NAA20: variants seen among roughly 807,000 people sequenced by gnomAD.
The protein encoded by NAA20 is N-alpha-acetyltransferase 20, NatB catalytic subunit.
NAA20 carries 24 observed loss-of-function variants against 23.8 expected under a neutral mutation model. The observed-to-expected ratio is 1.01, with a 90% CI of 0.73 to 1.42. The LOEUF is 1.42. NAA20 is among the 40% of genes most tolerant of loss of function. The pLI, the probability that NAA20 is intolerant of heterozygous loss-of-function variation, is 0.00. For missense variants in NAA20, 166 were observed against 223.1 expected, an observed-to-expected ratio of 0.74 and a Z score of 1.63; for synonymous variants, 83 against 77.7, an observed-to-expected ratio of 1.07 and a Z score of -0.36.
intron 4 of NAA20, among the ~76,000 whole-genome samples, chr20:20,032,240 G>A (rs1184641789): frequency 6.6e-6 from 1 of 151,806 alleles, no homozygotes; most frequent in Non-Finnish European, 1.5e-5. Flanking sequence ...TAGAACAAAT[G>A]CCTTGAGTTT....
At chr20:20,032,723 TTTGA>T (rs1229444039) in intron 5 of NAA20, 70 bp downstream of exon 5, 2 of 1,464,572 alleles carry the variant, frequency 1.4e-6, no homozygotes, top group Non-Finnish European at 9.1e-7. Context: ...GATTGTAGTA[TTTGA>T]TTATTTTAAT....
Position 20,033,269 on chromosome 20 carries a change from TAGG to T in NAA20, c.*85_*87del. The T allele has an allele frequency of 2.6e-6, 3 of 1,146,960 alleles. No individual in the cohort carries two copies. The highest frequency in any genetic ancestry group is 2.9e-5 in the South Asian group (2 of 68,954). The allele number at this position is 1,146,960 out of a possible 1,614,324, so 71.0% of individuals were successfully genotyped here. On this transcript the variant is annotated 3_prime_UTR_variant, in exon 6 of 6. Coordinates refer to ENST00000334982, the MANE Select transcript of NAA20 (RefSeq NM_016100.5). ...TCATTGGATGATTCTGGAGCTCTAT[TAGG>T]AGAAAAGTAATCATTTTAGGTCTTA...
chr20:20,020,217 C>T (rs1304752466), intron 1 of NAA20, among the ~76,000 whole-genome samples: 1 of 152,188 alleles, frequency 6.6e-6, no homozygotes, highest in African/African-American at 2.4e-5. Flanking sequence ...TCCTGGCCCA[C>T]ACCTTGGGAA....
At chr20:20,032,746 A>C (rs2043355448) in intron 5 of NAA20, 93 bp downstream of exon 5, 3 of 1,399,316 alleles carry the variant, frequency 2.1e-6, no homozygotes, top group Non-Finnish European at 2.8e-6. Context: ...ATAAATGTAG[A>C]ATATTTGACT....
chr20:20,019,464 C>G (rs917553796), intron 1 of NAA20, among the ~76,000 whole-genome samples: 1 of 152,146 alleles, frequency 6.6e-6, no homozygotes, highest in Non-Finnish European at 1.5e-5. Context: ...GAAAGGACAA[C>G]AGTTTTACAT....
chr20:20,024,410 A>C (rs1250389320), intron 2 of NAA20, among the ~76,000 whole-genome samples: 1 of 152,232 alleles, frequency 6.6e-6, no homozygotes, highest in Non-Finnish European at 1.5e-5. Context: ...CAGCAACAGG[A>C]CTACATATCA....
chr20:20,017,356 C>T (rs1568743561), upstream of NAA20: 15 of 1,608,818 alleles, frequency 9.3e-6, no homozygotes, highest in South Asian at 3.3e-5. Context: ...AGGGCGGGCG[C>T]GGGGTCTTGG....
At chr20:20,025,619 C>A (rs1363292796) in intron 2 of NAA20, 58 bp from the exon 3 acceptor site, 7 of 1,282,046 alleles carry the variant, frequency 5.5e-6, no homozygotes, top group Non-Finnish European at 7.9e-6. Flanking sequence ...TTACAATATC[C>A]CTTAATGAAG....
chr20:20,018,470 G>A, intron 1 of NAA20: 1 of 182,380 alleles, frequency 5.5e-6, no homozygotes, highest in Non-Finnish European at 1.2e-5. Flanking sequence ...TAAGATGGCT[G>A]GGAACATTTC....
chr20:20,017,948 T>G (rs1601121526), intron 1 of NAA20: 2 of 1,613,210 alleles, frequency 1.2e-6, no homozygotes, highest in East Asian at 4.5e-5. Context: ...GATGTGTACA[T>G]CGTGAAGCCC....
rs2146464364 is a variant in NAA20 at position 20,025,778 on chromosome 20, T to C, written c.169+11T>C. The C allele has an allele frequency of 6.6e-7, 1 of 1,516,518 alleles. No homozygotes were observed. The highest frequency in any genetic ancestry group is 2.3e-5 in the East Asian group (1 of 44,418). The allele number at this position is 1,516,518 out of a possible 1,614,324, so 93.9% of individuals were successfully genotyped here. On this transcript the variant is annotated intron_variant, in intron 3 of 5. Transcript: ENST00000334982. ...AATTAATGGGTTATAGTAAGTATAA[T>C]ACCACTAGTATTTTGTGGAGTAGGT...
rs908063751 is a variant in NAA20, at chr20:20,025,221, A to T, written c.79-456A>T. Among the ~76,000 whole-genome samples, 18 of 152,264 alleles carry T rather than the reference A, an allele frequency of 1.2e-4. 1 individual carries two copies. On this transcript the variant is annotated intron_variant, in intron 2 of 5. Transcript: ENST00000334982. Reference sequence around the variant, plus strand: ...TTCACAGTCTCATAGCTGAAGTCAAAGTAGGAACTACCCATTAATTTTTCA... The same window carrying T: ...TTCACAGTCTCATAGCTGAAGTCAATGTAGGAACTACCCATTAATTTTTCA...
intron 4 of NAA20, among the ~76,000 whole-genome samples, chr20:20,029,476 G>A (rs187930519): frequency 1.3e-5 from 2 of 152,102 alleles, no homozygotes; most frequent in Admixed American, 1.3e-4. Context: ...AATTAGCCGG[G>A]TGTGGTAGCA....
chr20:20,023,233 C>T (rs1394778246), intron 2 of NAA20, among the ~76,000 whole-genome samples: 3 of 150,592 alleles, frequency 2.0e-5, no homozygotes, highest in African/African-American at 7.3e-5. Context: ...GCAGAGGTTG[C>T]AGTGAGCCGA....
chr20:20,017,356 CG>C, upstream of NAA20: 1 of 1,608,818 alleles, frequency 6.2e-7, no homozygotes, highest in Non-Finnish European at 8.5e-7. Context: ...AGGGCGGGCG[CG>C]GGGTCTTGGC....
Position 20,017,776 on chromosome 20 carries a change from G to A in NAA20, c.53+327G>A, listed in dbSNP as rs1016497049. 8.3e-5 allele frequency: 120 copies of A among 1,439,790 alleles called. No individual in the cohort carries two copies. The African/African-American group carries it at 1.5e-3, about 18-fold the overall frequency. 89.2% of individuals were successfully genotyped at this position (1,439,790 alleles called of 1,614,324 possible). On this transcript the variant is annotated intron_variant, in intron 1 of 5. Coordinates refer to ENST00000334982, the MANE Select transcript of NAA20 (RefSeq NM_016100.5). ...TCAGGAGGCGCTGGGGTGATGGGGC[G>A]AGCTGGAGACGCGGCCTGGAGCCCA...
intron 4 of NAA20, 28 bp from the exon 5 acceptor site, chr20:20,032,476 TAACA>T: frequency 6.2e-7 from 1 of 1,603,256 alleles, no homozygotes; most frequent in Non-Finnish European, 8.5e-7. Context: ...TCTCACATTC[TAACA>T]TTTTCCTTTT....
intron 4 of NAA20, among the ~76,000 whole-genome samples, chr20:20,029,250 A>C (rs2043326454): frequency 6.6e-6 from 1 of 152,210 alleles, no homozygotes; most frequent in Non-Finnish European, 1.5e-5. Context: ...AATACTTATT[A>C]ATAATAGTTA....
At position 20,025,725 on chromosome 20, in the gene NAA20, T is replaced by A; in HGVS notation, c.127T>A (p.Phe43Ile). 6.2e-7 allele frequency: 1 copy of A among 1,612,074 alleles called. No homozygotes were observed. The highest frequency in any genetic ancestry group is 8.5e-7 in the Non-Finnish European group (1 of 1,178,126). Reference sequence around the variant, plus strand: ...ATACCTCGCCCACTGGCCAGAGTATTTCATTGTTGCAGAGGCACCTGGTGG... The same window carrying A: ...ATACCTCGCCCACTGGCCAGAGTATATCATTGTTGCAGAGGCACCTGGTGG... Reference protein sequence around the residue: ...LQYLAHWPEYFIVAEAPGGEL... With the variant: ...LQYLAHWPEYIIVAEAPGGEL... The change falls in exon 3 of 6, where the codon TTC (phenylalanine) becomes ATC (isoleucine). Residue 43 changes from phenylalanine to isoleucine, a missense_variant. Physicochemically the swap from Phe to Ile is conservative, Grantham distance 21. Coordinates refer to ENST00000334982, the MANE Select transcript of NAA20 (RefSeq NM_016100.5).
Sources: allele counts gnomAD v4.1 joint callset (sites outside exome capture counted in the v4.1 genomes callset), GRCh38; gene constraint gnomAD v4.1.1; transcripts MANE v1.5; gene names NCBI Gene and HGNC (gene_info 2026-07-23, HGNC 2026-07-21).